UGT2B10: variants seen among roughly 807,000 people sequenced by gnomAD.
The protein encoded by UGT2B10 is UDP glucuronosyltransferase family 2 member B10.
Under a neutral mutation model 43.7 loss-of-function variants are expected in UGT2B10, and 51 were observed. The observed-to-expected ratio is 1.17, with a 90% confidence interval of 0.93 to 1.47. The LOEUF (loss-of-function observed/expected upper bound fraction) is 1.47, where lower values mean the gene tolerates loss of function less well. Among genes scored for constraint, UGT2B10 ranks in the 40% most tolerant of loss-of-function variants. The pLI, the probability that UGT2B10 is intolerant of heterozygous loss-of-function variation, is 0.00. For missense variants in UGT2B10, 696 were observed against 617.7 expected, an observed-to-expected ratio of 1.13 and a Z score of -1.34; for synonymous variants, 225 against 209.0, an observed-to-expected ratio of 1.08 and a Z score of -0.66.
chr4:68,819,724 C>T (rs759988328), intron 2 of UGT2B10, among the ~76,000 whole-genome samples: 12 of 151,912 alleles, frequency 7.9e-5, no homozygotes, highest in Non-Finnish European at 1.5e-4. Context: ...ATAATAAAGA[C>T]CAAATAATTT....
intron 3 of UGT2B10, among the ~76,000 whole-genome samples, chr4:68,823,161 A>G (rs1737595209): frequency 6.6e-6 from 1 of 152,148 alleles, no homozygotes; most frequent in African/African-American, 2.4e-5. Context: ...AATAACTGGC[A>G]TATGTGGAGA....
At chr4:68,817,698 A>G (rs1318412552) in intron 1 of UGT2B10, among the ~76,000 whole-genome samples, 2 of 151,790 alleles carry the variant, frequency 1.3e-5, no homozygotes, top group Non-Finnish European at 3.0e-5. Context: ...TTAAATATCT[A>G]GAGGCTACTA....
chr4:68,822,271 G>C lies in UGT2B10; in HGVS notation c.868G>C (p.Glu290Gln), dbSNP rs782703381. 2.3e-5 allele frequency: 37 copies of C among 1,609,082 alleles called. No individual in the cohort carries two copies. Among genetic ancestry groups the C allele is most frequent in the Admixed American group, 6.8e-5 (4 of 58,798 alleles). ...HCKPAKPLPKEMEEFVQSSGE... is the reference protein window; with the variant it reads ...HCKPAKPLPKQMEEFVQSSGE... ...GAAACATTTTTTCTTTTTCCCACAG[G>C]AAATGGAGGAGTTTGTACAGAGCTC... is the stretch of plus-strand genomic sequence containing the variant. Residue 290 changes from glutamate to glutamine, a missense_variant and splice_region_variant, in exon 3 of 6, where the codon GAA becomes CAA. Coordinates refer to ENST00000265403, the MANE Select transcript of UGT2B10 (RefSeq NM_001075.6).
chr4:68,822,276 G>A lies in UGT2B10; in HGVS notation c.873G>A (p.Met291Ile). ...ATTTTTTCTTTTTCCCACAGGAAAT[G>A]GAGGAGTTTGTACAGAGCTCTGGAG... is the stretch of plus-strand genomic sequence containing the variant. ...CKPAKPLPKE[M>I]EEFVQSSGEN... Residue 291 changes from methionine (M) to isoleucine (I), a missense_variant, in exon 3 of 6, where the codon ATG (methionine) becomes ATA (isoleucine). Transcript: ENST00000265403. 6.2e-7 allele frequency: 1 copy of A among 1,610,364 alleles called. No homozygotes were observed.
intron 2 of UGT2B10, among the ~76,000 whole-genome samples, chr4:68,819,880 G>A (rs1311274293): frequency 1.3e-5 from 2 of 151,922 alleles, no homozygotes; most frequent in Admixed American, 6.6e-5. Flanking sequence ...AAAAAGTAAG[G>A]CTTCTTCAAT....
chr4:68,825,953 C>T (rs1737749979), intron 3 of UGT2B10, among the ~76,000 whole-genome samples: 1 of 152,078 alleles, frequency 6.6e-6, no homozygotes, highest in Non-Finnish European at 1.5e-5. Context: ...TACATTCCAA[C>T]CAACAGAGTA....
chr4:68,830,610 A>T lies in UGT2B10; in HGVS notation c.1318A>T (p.Asn440Tyr). ...ATTTTTATCCTTCAGATATAAAGAGAATATTATGAAATTATCAAGAATTCA... is the reference window on the plus strand; with the variant it reads ...ATTTTTATCCTTCAGATATAAAGAGTATATTATGAAATTATCAAGAATTCA... ...TVINDPSYKE[N>Y]IMKLSRIQHD... Residue 440 changes from asparagine to tyrosine, a missense_variant, in exon 6 of 6, where the codon AAT becomes TAT. Transcript: ENST00000265403. 1.2e-6 allele frequency: 2 copies of T among 1,611,934 alleles called. No homozygotes were observed. The highest frequency in any genetic ancestry group is 1.7e-6 in the Non-Finnish European group (2 of 1,179,042).
intron 4 of UGT2B10, among the ~76,000 whole-genome samples, chr4:68,826,954 G>A (rs1410022506): frequency 6.6e-6 from 1 of 151,948 alleles, no homozygotes; most frequent in African/African-American, 2.4e-5. Flanking sequence ...CTCAATCTTA[G>A]CACCACCACC....
chr4:68,830,138 A>G (rs1346470044), intron 5 of UGT2B10, among the ~76,000 whole-genome samples: 1 of 152,058 alleles, frequency 6.6e-6, no homozygotes, highest in Non-Finnish European at 1.5e-5. Flanking sequence ...AGCACGTTCT[A>G]ATATGCCTGT....
In UGT2B10 at chr4:68,830,625, T is replaced by C; in HGVS notation, c.1333T>C (p.Ser445Pro). 1.2e-6 allele frequency: 2 copies of C among 1,612,616 alleles called. No homozygotes were observed. Among genetic ancestry groups the C allele is most frequent in the Non-Finnish European group, 8.5e-7 (1 of 1,179,248 alleles). Residue 445 changes from serine (S) to proline (P), a missense_variant, in exon 6 of 6, where the codon TCA (serine) becomes CCA (proline). Transcript: ENST00000265403. ...PSYKENIMKL[S>P]RIQHDQPVKP... ...ATATAAAGAGAATATTATGAAATTA[T>C]CAAGAATTCAACATGATCAACCAGT...
rs762002008 is a variant in UGT2B10, at chr4:68,827,499, T to A, written c.1258T>A (p.Ser420Thr). ...AAVRVDFNTMSSTDLLNALKT... is the reference protein window; with the variant it reads ...AAVRVDFNTMTSTDLLNALKT... ...TGTTAGAGTGGACTTCAACACAATG[T>A]CGAGTACAGACCTGCTGAATGCACT... The change falls in exon 5 of 6, where the codon TCG becomes ACG. Residue 420 changes from serine (S) to threonine (T), a missense_variant. Ser to Thr is a moderately conservative substitution (Grantham distance 58). Transcript: ENST00000265403. 6.2e-7 allele frequency: 1 copy of A among 1,613,420 alleles called. No individual in the cohort carries two copies. Among genetic ancestry groups the A allele is most frequent in the East Asian group, 2.2e-5 (1 of 44,828 alleles).
At position 68,830,779 on chromosome 4, in the gene UGT2B10, T is replaced by G. The variant is rs758121756; in HGVS notation, c.1487T>G (p.Leu496Arg). Reference protein sequence around the residue: ...QYHSLDVIGFLLACVATVLFI... With the variant: ...QYHSLDVIGFRLACVATVLFI... ...CACTCTTTGGATGTGATTGGGTTCCTGCTGGCTTGTGTGGCAACCGTGCTA... is the reference window on the plus strand; with the variant it reads ...CACTCTTTGGATGTGATTGGGTTCCGGCTGGCTTGTGTGGCAACCGTGCTA... Residue 496 changes from leucine to arginine, a missense_variant, in exon 6 of 6, where the codon CTG (leucine) becomes CGG (arginine). Transcript: ENST00000265403. 3 of 1,613,414 alleles carry G rather than the reference T, an allele frequency of 1.9e-6. No individual in the cohort carries two copies. Among genetic ancestry groups the G allele is most frequent in the Non-Finnish European group, 2.5e-6 (3 of 1,179,538 alleles).
chr4:68,827,276 T>G, intron 4 of UGT2B10, 53 bp from the exon 5 acceptor site: 6 of 1,610,716 alleles, frequency 3.7e-6, no homozygotes, highest in Non-Finnish European at 4.2e-6. Flanking sequence ...CCTTTCATTG[T>G]GCATCTCATT....
chr4:68,831,029 CAG>C lies in UGT2B10; in HGVS notation c.*154_*155del. On this transcript the variant is annotated 3_prime_UTR_variant, in exon 6 of 6. Coordinates refer to ENST00000265403, the MANE Select transcript of UGT2B10 (RefSeq NM_001075.6). ...CCTTGTCAAGTAAAAATTTGTTTTT[CAG>C]AGATTTACCACCCAGTTAATGGTTA... The C allele has an allele frequency of 9.5e-7, 1 of 1,048,816 alleles. No homozygotes were observed. The highest frequency in any genetic ancestry group is 1.8e-5 in the South Asian group (1 of 56,024). The allele number at this position is 1,048,816 out of a possible 1,614,324, so 65.0% of individuals were successfully genotyped here. A position where few individuals can be genotyped will look rare whatever the true frequency, so the allele number is the denominator to read the frequency against.
chr4:68,826,045 G>A (rs1327441062), intron 3 of UGT2B10, among the ~76,000 whole-genome samples: 4 of 151,940 alleles, frequency 2.6e-5, no homozygotes, highest in Admixed American at 2.0e-4. Context: ...ACTGGTGTGC[G>A]ATGTTATCTC....
chr4:68,828,805 G>GTGGGAAATAAATCAAGACT (rs1737931406), intron 5 of UGT2B10, among the ~76,000 whole-genome samples: 1 of 151,980 alleles, frequency 6.6e-6, no homozygotes, highest in Non-Finnish European at 1.5e-5. Flanking sequence ...GTGGCATGTG[G>GTGGGAAATAAATCAAGACT]TGGGAAATAA....
chr4:68,826,723 G>A (rs984427188), intron 4 of UGT2B10, among the ~76,000 whole-genome samples: 1 of 151,984 alleles, frequency 6.6e-6, no homozygotes. Context: ...CTTTATTTCA[G>A]GTGCTATTAT....
At chr4:68,827,903 G>A (rs1483382230) in intron 5 of UGT2B10, among the ~76,000 whole-genome samples, 7 of 151,004 alleles carry the variant, frequency 4.6e-5, no homozygotes, top group Non-Finnish European at 1.0e-4. Flanking sequence ...TATCTAAAAT[G>A]TCTCAGAATA....
At chr4:68,817,428 T>C (rs1012364862) in intron 1 of UGT2B10, among the ~76,000 whole-genome samples, 3 of 151,796 alleles carry the variant, frequency 2.0e-5, no homozygotes, top group African/African-American at 7.2e-5. Flanking sequence ...CGAGTACAGA[T>C]CTCTATTTCA....
Sources: allele counts gnomAD v4.1 joint callset (sites outside exome capture counted in the v4.1 genomes callset), GRCh38; gene constraint gnomAD v4.1.1; transcripts MANE v1.5; gene names NCBI Gene and HGNC (gene_info 2026-07-23, HGNC 2026-07-21).